The following UBAP1L variants were observed in gnomAD, a reference collection of about 807,000 sequenced individuals.
The protein encoded by UBAP1L is ubiquitin-associated protein 1-like.
In UBAP1L, 32 loss-of-function variants were observed where a neutral mutation model predicts 32.1. That is an observed-to-expected ratio of 1.00 (90% CI 0.75 to 1.34). The LOEUF (loss-of-function observed/expected upper bound fraction) is 1.34, where lower values mean the gene tolerates loss of function less well. UBAP1L is among the 40% of genes most tolerant of loss of function. The pLI is 0.00. For synonymous variants in UBAP1L, 243 were observed against 250.2 expected (o/e 0.97, Z 0.27); for missense variants, 516 against 540.5 (o/e 0.95, Z 0.45).
rs940753181 is a variant in UBAP1L at position 65,102,406 on chromosome 15, C to T, written c.399G>A (p.Pro133=). Residue 133 remains proline, a synonymous_variant, in exon 3 of 6, where the codon CCG becomes CCA. Coordinates refer to ENST00000559089, the MANE Select transcript of UBAP1L (RefSeq NM_001163692.2). The surrounding 1 kb of genome is among the most constrained non-coding windows in gnomAD (Gnocchi z 5.0). ...PAPSSLQPGS[P]ASPGPGRRLC... Reference sequence around the variant, plus strand: ...GGCGACGGCCGGGGCCGGGGCTCGCCGGGGAGCCCGGTTGGAGGCTGCTGG... The same window carrying T: ...GGCGACGGCCGGGGCCGGGGCTCGCTGGGGAGCCCGGTTGGAGGCTGCTGG... 5 of 1,428,200 alleles carry T rather than the reference C, an allele frequency of 3.5e-6. No individual in the cohort carries two copies. The African/African-American group carries it at 6.0e-5, about 17-fold the overall frequency. The allele number at this position is 1,428,200 out of a possible 1,614,324, so 88.5% of individuals were successfully genotyped here.
At chr15:65,098,861 T>A (rs1684215088) in intron 4 of UBAP1L, 1 of 152,198 alleles carries the variant, frequency 6.6e-6, no homozygotes, top group African/African-American at 2.4e-5. Context: ...TCGGGGTAGT[T>A]TGTTACACAG....
intron 5 of UBAP1L, among the ~76,000 whole-genome samples, 169 bp from the exon 6 acceptor site, chr15:65,093,400 G>A (rs1410130815): frequency 3.9e-5 from 6 of 152,206 alleles, no homozygotes; most frequent in Non-Finnish European, 8.8e-5. Flanking sequence ...TGTACCTGTA[G>A]GGTGATGTAG....
rs1246313770 is a variant in UBAP1L at position 65,102,187 on chromosome 15, G to C, written c.618C>G (p.His206Gln). Residue 206 changes from histidine (H) to glutamine (Q), a missense_variant, in exon 3 of 6, where the codon CAC (histidine) becomes CAG (glutamine). Coordinates refer to ENST00000559089, the MANE Select transcript of UBAP1L (RefSeq NM_001163692.2). The surrounding 1 kb of genome is among the most constrained non-coding windows in gnomAD (Gnocchi z 5.0). The stretch of plus-strand genomic sequence containing the variant: ...GCGGGGGCGACGCGGGGGCGGCGGG[G>C]TGCTGGGGCGCGGGCCCCGGGGGTG... Reference protein sequence around the residue: ...SASPPGPAPQHPAAPASPPRP... With the variant: ...SASPPGPAPQQPAAPASPPRP... 2 of 1,198,194 alleles carry C rather than the reference G, an allele frequency of 1.7e-6. No individual in the cohort carries two copies. The highest frequency in any genetic ancestry group is 2.1e-6 in the Non-Finnish European group (2 of 965,966). 74.2% of individuals were successfully genotyped at this position (1,198,194 alleles called of 1,614,324 possible). A position where few individuals can be genotyped will look rare whatever the true frequency, so the allele number is the denominator to read the frequency against.
At chr15:65,093,765 C>T (rs1033579935) in intron 5 of UBAP1L, among the ~76,000 whole-genome samples, 8 of 152,188 alleles carry the variant, frequency 5.3e-5, no homozygotes, top group Admixed American at 3.3e-4. Context: ...CTACTGGGGC[C>T]GGGTGCGGTG....
intron 4 of UBAP1L, chr15:65,095,356 A>G (rs1177181354): frequency 6.6e-6 from 1 of 151,696 alleles, no homozygotes; most frequent in African/African-American, 2.4e-5. Context: ...CCCCCATAGC[A>G]CCCTATGCTT....
At chr15:65,105,978 T>C in intron 2 of UBAP1L, 118 bp downstream of exon 2, 2 of 1,404,504 alleles carry the variant, frequency 1.4e-6, no homozygotes, top group Non-Finnish European at 1.9e-6. Flanking sequence ...TGTTAGTAGA[T>C]ACGGGGTTTC....
intron 1 of UBAP1L, among the ~76,000 whole-genome samples, chr15:65,110,542 G>A (rs1314412703): frequency 6.6e-6 from 1 of 150,964 alleles, no homozygotes; most frequent in Admixed American, 6.6e-5. Context: ...AAACATAGCT[G>A]GGCATGGTGG....
Position 65,106,132 on chromosome 15 carries a change from GCTGAGTT to G in UBAP1L, c.77_83del (p.Glu26AlafsTer53). ...GCAGAACTTCCCCGCAGGCCGGGAC[GCTGAGTT>G]CTGGCCCAGGGAGAGGCTCTGTGCC... On this transcript the variant is annotated frameshift_variant, in exon 2 of 6. Coordinates refer to ENST00000559089, the MANE Select transcript of UBAP1L (RefSeq NM_001163692.2). LOFTEE classifies it high-confidence loss of function. 3.2e-6 allele frequency: 5 copies of G among 1,550,956 alleles called. No individual in the cohort carries two copies. The highest frequency in any genetic ancestry group is 4.4e-6 in the Non-Finnish European group (5 of 1,146,774).
chr15:65,105,414 G>A (rs546273784), intron 2 of UBAP1L: 197 of 310,344 alleles, frequency 6.3e-4, no homozygotes, highest in African/African-American at 3.9e-3. Flanking sequence ...TAGAAGAGGA[G>A]GTTGCAATGA....
intron 5 of UBAP1L, 107 bp from the exon 6 acceptor site, chr15:65,093,338 G>T: frequency 7.3e-7 from 1 of 1,374,664 alleles, no homozygotes; most frequent in South Asian, 1.6e-5. Flanking sequence ...AAAAAGCTGT[G>T]GCTACCCCCA....
chr15:65,113,096 C>G (rs931521951), intron 1 of UBAP1L, among the ~76,000 whole-genome samples: 1 of 152,172 alleles, frequency 6.6e-6, no homozygotes, highest in Non-Finnish European at 1.5e-5. Context: ...CCTGGCTGGG[C>G]ACGGTGGCTC....
At chr15:65,105,393 C>T (rs955410762) in intron 2 of UBAP1L, 21 of 285,432 alleles carry the variant, frequency 7.4e-5, no homozygotes, top group Admixed American at 2.6e-4. Flanking sequence ...GTGGGAGGAT[C>T]GCTTGAGCCC....
intron 1 of UBAP1L, among the ~76,000 whole-genome samples, chr15:65,113,754 AAAAAGAAAAG>A (rs112819457): frequency 1.3e-5 from 2 of 152,136 alleles, no homozygotes; most frequent in African/African-American, 2.4e-5. Context: ...TCTCAAGAAT[AAAAAGAAAAG>A]AAAAGAAAAG....
chr15:65,093,369 G>T, intron 5 of UBAP1L, 138 bp from the exon 6 acceptor site: 3 of 1,081,084 alleles, frequency 2.8e-6, no homozygotes, highest in African/African-American at 3.2e-5. Flanking sequence ...GCCTGATCCT[G>T]GGCCACACCT....
At chr15:65,093,983 G>A (rs1363407125) in intron 5 of UBAP1L, among the ~76,000 whole-genome samples, 1 of 152,198 alleles carries the variant, frequency 6.6e-6, no homozygotes, top group Non-Finnish European at 1.5e-5. Context: ...GGGGGCAGAG[G>A]TTGCAGTGAG....
chr15:65,110,684 CAAAA>C lies in UBAP1L; in HGVS notation c.-173-4300_-173-4297del, dbSNP rs71136313. On this transcript the variant is annotated intron_variant, in intron 1 of 5. Transcript: ENST00000559089. ...TGGGCGACAGAGTGAGACTCTGTCT[CAAAA>C]AAAAAAAAAAAAAAGAAAAGAAAAG... is the stretch of plus-strand genomic sequence containing the variant. 2.4e-4 allele frequency among the ~76,000 whole-genome samples: 15 copies of C among 63,096 alleles called. No homozygotes were observed. In the East Asian group the frequency reaches 5.2e-3, roughly 22 times the overall value. 41.4% of individuals were successfully genotyped at this position (63,096 alleles called of 152,430 possible).
chr15:65,092,783 T>C lies in UBAP1L; in HGVS notation c.*314A>G, dbSNP rs2087132583. ...ACTCAGAAGAACTGCCCATTATTTA[T>C]TTGTTTTAATTTTCTTAAAATCAAG... On this transcript the variant is annotated 3_prime_UTR_variant, in exon 6 of 6. Coordinates refer to ENST00000559089, the MANE Select transcript of UBAP1L (RefSeq NM_001163692.2). The C allele has an allele frequency of 1.4e-5, 4 of 292,818 alleles. No individual in the cohort carries two copies. The highest frequency in any genetic ancestry group is 2.5e-5 in the Non-Finnish European group (4 of 158,418). 18.1% of individuals were successfully genotyped at this position (292,818 alleles called of 1,614,324 possible).
chr15:65,106,431 C>G (rs372811375), intron 1 of UBAP1L, 43 bp from the exon 2 acceptor site: 1 of 475,064 alleles, frequency 2.1e-6, no homozygotes, highest in Non-Finnish European at 3.6e-6. Flanking sequence ...AGCATTCACA[C>G]GGACAGAAAT....
rs751320840 is a variant in UBAP1L, at chr15:65,099,656, G to A, written c.758C>T (p.Pro253Leu). 6.4e-7 allele frequency: 1 copy of A among 1,551,450 alleles called. No homozygotes were observed. The highest frequency in any genetic ancestry group is 1.4e-5 in the African/African-American group (1 of 73,052). ...CGCAGTATCAGGGTGTGACTTGTGG[G>A]GGTTGAGAGGTTGGGGTGCCCCCCC... ...PLGGAPQPLNPHKSHPDTAAD... is the reference protein window; with the variant it reads ...PLGGAPQPLNLHKSHPDTAAD... The change falls in exon 4 of 6, where the codon CCC (proline) becomes CTC (leucine). Residue 253 changes from proline (P) to leucine (L), a missense_variant. By Grantham distance (98) the Pro-to-Leu change is moderately conservative. Coordinates refer to ENST00000559089, the MANE Select transcript of UBAP1L (RefSeq NM_001163692.2).
Sources: gnomAD v4.1 joint callset for allele counts (sites outside exome capture counted in the v4.1 genomes callset) on GRCh38, gnomAD v4.1.1 for gene constraint, Gnocchi (gnomAD v3.1) non-coding constraint, MANE v1.5 for transcripts, NCBI Gene and HGNC (gene_info 2026-07-23, HGNC 2026-07-21) for gene names.